RAB3GAP1: variants seen among roughly 807,000 people sequenced by gnomAD.
RAB3GAP1 encodes RAB3 GTPase activating protein catalytic subunit 1, also known as rab3 GTPase-activating protein catalytic subunit.
In RAB3GAP1, 86 loss-of-function variants were observed where a neutral mutation model predicts 130.7. That is an observed-to-expected ratio of 0.66 (90% confidence interval 0.55 to 0.79). The LOEUF (loss-of-function observed/expected upper bound fraction) is 0.79. Ranked by LOEUF, RAB3GAP1 falls within the 30% of genes least tolerant of loss-of-function variation. The pLI, the probability that RAB3GAP1 is intolerant of heterozygous loss-of-function variation, is 0.00. For missense variants in RAB3GAP1, 1,029 were observed against 1,169.4 expected (o/e 0.88, Z 1.75); for synonymous variants, 367 against 401.7 (o/e 0.91, Z 1.03).
chr2:135,162,000 T>C (rs2104996576), intron 19 of RAB3GAP1, among the ~76,000 whole-genome samples: 1 of 152,296 alleles, frequency 6.6e-6, no homozygotes, highest in African/African-American at 2.4e-5. Context: ...GGGTTATACT[T>C]CTTTTATCTT....
At chr2:135,078,109 A>G (rs555981080) in intron 3 of RAB3GAP1, among the ~76,000 whole-genome samples, 1 of 152,276 alleles carries the variant, frequency 6.6e-6, no homozygotes, top group South Asian at 2.1e-4. Context: ...CCAAGAAATA[A>G]TTGCAAATTC....
chr2:135,151,415 T>TTA (rs1176174084), intron 18 of RAB3GAP1, among the ~76,000 whole-genome samples: 1 of 152,246 alleles, frequency 6.6e-6, no homozygotes, highest in Non-Finnish European at 1.5e-5. Context: ...CACCTGTGTA[T>TTA]TATTTTTAAA....
chr2:135,099,463 G>GTGTA lies in RAB3GAP1; in HGVS notation c.362+5778_362+5781dup, dbSNP rs1553442725. Among the ~76,000 whole-genome samples the GTGTA allele has an allele frequency of 3.4e-3, 506 of 149,364 alleles. 2 individuals carry two copies. Among genetic ancestry groups the GTGTA allele is most frequent in the East Asian group, 0.022 (114 of 5,070 alleles). Reference sequence around the variant, plus strand: ...TGTGTGTGTGTGTGTGTGTGTGTGTGTGTATGTATGTGTATTGCTGTATTT... The same window carrying GTGTA: ...TGTGTGTGTGTGTGTGTGTGTGTGTGTGTATGTATGTATGTGTATTGCTGTATTT... On this transcript the variant is annotated intron_variant, in intron 5 of 23. Coordinates refer to ENST00000264158, the MANE Select transcript of RAB3GAP1 (RefSeq NM_012233.3).
intron 3 of RAB3GAP1, among the ~76,000 whole-genome samples, chr2:135,080,903 C>A (rs1553440342): frequency 6.6e-6 from 1 of 152,078 alleles, no homozygotes; most frequent in Non-Finnish European, 1.5e-5. Context: ...TGATCTTGAT[C>A]CAGGCTGAAG....
chr2:135,160,804 C>T (rs1692446519), intron 19 of RAB3GAP1, among the ~76,000 whole-genome samples: 2 of 150,750 alleles, frequency 1.3e-5, no homozygotes, highest in Non-Finnish European at 1.5e-5. Flanking sequence ...GAATCATTTG[C>T]ATTTTGATTA....
At chr2:135,103,035 ATT>A (rs539310402) in intron 5 of RAB3GAP1, among the ~76,000 whole-genome samples, 15 of 90,848 alleles carry the variant, frequency 1.7e-4, no homozygotes, top group Non-Finnish European at 1.6e-4. Context: ...CATTTTTGTG[ATT>A]TTTTTTTTTT....
At position 135,052,422 on chromosome 2, in the gene RAB3GAP1, TC is replaced by T. The variant is rs746935239; in HGVS notation, c.19-5del. 6.2e-6 allele frequency: 10 copies of T among 1,613,970 alleles called. No individual in the cohort carries two copies. In the East Asian group the frequency reaches 2.0e-4, roughly 32 times the overall value. On this transcript the variant is annotated splice_polypyrimidine_tract_variant and splice_region_variant and intron_variant, in intron 1 of 23. Transcript: ENST00000264158. The stretch of plus-strand genomic sequence containing the variant: ...TAATTTCTTTTTCTCTCCTTCCCCT[TC>T]CCGCAGCCCGAATCCGAGGTATTTG...
intron 3 of RAB3GAP1, among the ~76,000 whole-genome samples, chr2:135,080,826 G>T (rs565139265): frequency 1.3e-5 from 2 of 152,186 alleles, no homozygotes; most frequent in African/African-American, 4.8e-5. Flanking sequence ...CAAAAGTTGC[G>T]TACAAAAGAG....
intron 3 of RAB3GAP1, among the ~76,000 whole-genome samples, chr2:135,070,200 GCAGA>G (rs753230013): frequency 6.6e-6 from 1 of 152,182 alleles, no homozygotes; most frequent in Admixed American, 6.5e-5. Context: ...TGTAACAGAG[GCAGA>G]CAGACAGACA....
chr2:135,135,522 T>C (rs374123744), intron 16 of RAB3GAP1, 42 bp from the exon 17 acceptor site: 2 of 1,531,498 alleles, frequency 1.3e-6, no homozygotes, highest in Admixed American at 1.9e-5. Context: ...TTTATTTTTC[T>C]GTAACTAATT....
chr2:135,065,047 C>T (rs1689279810), intron 3 of RAB3GAP1, among the ~76,000 whole-genome samples: 1 of 151,938 alleles, frequency 6.6e-6, no homozygotes, highest in Non-Finnish European at 1.5e-5. Flanking sequence ...AGAATCTCCT[C>T]TGCACATGCA....
At chr2:135,146,903 A>G (rs927065785) in intron 17 of RAB3GAP1, among the ~76,000 whole-genome samples, 1 of 152,150 alleles carries the variant, frequency 6.6e-6, no homozygotes, top group Admixed American at 6.5e-5. Flanking sequence ...AATAATGGGC[A>G]TAAGGAAATT....
At chr2:135,151,501 CTT>C (rs1159622264) in intron 18 of RAB3GAP1, among the ~76,000 whole-genome samples, 1 of 152,200 alleles carries the variant, frequency 6.6e-6, no homozygotes, top group Non-Finnish European at 1.5e-5. Context: ...AAAAGGGAGC[CTT>C]TTGTTTCCTG....
intron 3 of RAB3GAP1, among the ~76,000 whole-genome samples, chr2:135,083,194 G>A (rs1377648049): frequency 1.3e-5 from 2 of 152,052 alleles, no homozygotes; most frequent in Admixed American, 6.5e-5. Flanking sequence ...CATCGTAGGG[G>A]TATACCACAT....
At chr2:135,159,019 T>C (rs1692393889) in intron 19 of RAB3GAP1, among the ~76,000 whole-genome samples, 1 of 151,856 alleles carries the variant, frequency 6.6e-6, no homozygotes, top group Non-Finnish European at 1.5e-5. Flanking sequence ...ACTGAAAGAG[T>C]TCCCAACTGG....
chr2:135,168,254 G>A (rs1039232137), intron 23 of RAB3GAP1, among the ~76,000 whole-genome samples: 13 of 152,152 alleles, frequency 8.5e-5, no homozygotes, highest in African/African-American at 2.9e-4. Context: ...GCACAGCTCC[G>A]AGGTCCTTTT....
At chr2:135,134,432 C>A (rs964963849) in intron 15 of RAB3GAP1, among the ~76,000 whole-genome samples, 1 of 152,080 alleles carries the variant, frequency 6.6e-6, no homozygotes, top group Non-Finnish European at 1.5e-5. Context: ...CTGTGAAATG[C>A]TATCAGTTTT....
At chr2:135,060,095 G>A (rs1348673760) in intron 3 of RAB3GAP1, among the ~76,000 whole-genome samples, 1 of 151,958 alleles carries the variant, frequency 6.6e-6, no homozygotes, top group Non-Finnish European at 1.5e-5. Flanking sequence ...ATAGTATAAT[G>A]AACTCCCATG....
chr2:135,130,182 A>T, intron 12 of RAB3GAP1, 95 bp downstream of exon 12: 1 of 1,054,236 alleles, frequency 9.5e-7, no homozygotes, highest in Non-Finnish European at 1.5e-6. Context: ...TCTCATTTTG[A>T]ATTAAGTTGG....
Sources: gnomAD v4.1 joint callset for allele counts (sites outside exome capture counted in the v4.1 genomes callset) on GRCh38, gnomAD v4.1.1 for gene constraint, MANE v1.5 for transcripts, NCBI Gene and HGNC (gene_info 2026-07-23, HGNC 2026-07-21) for gene names.